EYS: variants seen among roughly 807,000 people sequenced by gnomAD.
EYS encodes the protein EGF-like photoreceptor maintenance factor.
Under a neutral mutation model 282.1 loss-of-function variants are expected in EYS, and 250 were observed. The ratio of observed to expected loss-of-function variants is 0.89; its 90% confidence interval spans 0.80 to 0.98. EYS has a LOEUF of 0.98. EYS is among the 50% of genes least tolerant of loss of function. EYS has a pLI of 0.00. For missense variants in EYS, 4,016 were observed against 3,709.0 expected (o/e 1.08, Z -2.15); for synonymous variants, 1,355 against 1,282.9 (o/e 1.06, Z -1.20).
At chr6:65,391,864 T>C (rs1023799610) in intron 7 of EYS, among the ~76,000 whole-genome samples, 12 of 152,074 alleles carry the variant, frequency 7.9e-5, no homozygotes, top group African/African-American at 2.9e-4. Context: ...CATTGCCAAG[T>C]CAATCCTAAG....
At chr6:65,171,998 T>C (rs1476869648) in intron 12 of EYS, among the ~76,000 whole-genome samples, 1 of 151,418 alleles carries the variant, frequency 6.6e-6, no homozygotes, top group Non-Finnish European at 1.5e-5. Flanking sequence ...GTTAGGAAAA[T>C]ATATGATCAT....
chr6:63,727,261 T>G (rs764695960), intron 41 of EYS, among the ~76,000 whole-genome samples: 10 of 152,052 alleles, frequency 6.6e-5, no homozygotes, highest in Non-Finnish European at 1.3e-4. Context: ...TCTATATTCC[T>G]TCTTCTTTTC....
chr6:64,621,094 C>A (rs1767433852), intron 23 of EYS, among the ~76,000 whole-genome samples: 1 of 152,048 alleles, frequency 6.6e-6, no homozygotes, highest in Non-Finnish European at 1.5e-5. Flanking sequence ...TCACTGCAAC[C>A]TTAAACTCCT....
chr6:65,095,702 T>C (rs746670277), intron 12 of EYS, among the ~76,000 whole-genome samples: 22 of 151,252 alleles, frequency 1.5e-4, no homozygotes, highest in Non-Finnish European at 2.4e-4. Flanking sequence ...AAACATCACA[T>C]GATCATTTCA....
intron 11 of EYS, among the ~76,000 whole-genome samples, chr6:65,309,124 T>C (rs1769087576): frequency 6.6e-6 from 1 of 152,208 alleles, no homozygotes; most frequent in Non-Finnish European, 1.5e-5. Flanking sequence ...GGTAATCAAA[T>C]ACAGAATGTT....
In EYS at chr6:65,092,987, A is replaced by G. The variant is rs117274354; in HGVS notation, c.2024-35260T>C. ...TTCAGATTTACAAACCCCCTAATACATTGATGCATTATCATCAAATTATCA... is the reference window on the plus strand; with the variant it reads ...TTCAGATTTACAAACCCCCTAATACGTTGATGCATTATCATCAAATTATCA... On this transcript the variant is annotated intron_variant, in intron 12 of 42. Coordinates refer to ENST00000503581, the MANE Select transcript of EYS (RefSeq NM_001142800.2). 2.1e-3 allele frequency among the ~76,000 whole-genome samples: 324 copies of G among 152,230 alleles called. 5 individuals carry two copies. Among genetic ancestry groups the G allele is most frequent in the Admixed American group, 0.015 (223 of 15,272 alleles).
In EYS at chr6:64,766,649, A is replaced by AATATATATAC. The variant is rs1773355689; in HGVS notation, c.3443+46728_3443+46729insGTATATATAT. ...TCCGTCTCAAAAAAAAAAAAAAAAA[A>AATATATATAC]ATATATATATATATATATATATATA... is the stretch of plus-strand genomic sequence containing the variant. On this transcript the variant is annotated intron_variant, in intron 22 of 42. Transcript: ENST00000503581. Among the ~76,000 whole-genome samples the AATATATATAC allele has an allele frequency of 1.6e-4, 3 of 19,050 alleles. 1 individual carries two copies. The highest frequency in any genetic ancestry group is 3.1e-4 in the Non-Finnish European group (3 of 9,728). The allele number at this position is 19,050 out of a possible 152,430, so 12.5% of individuals were successfully genotyped here. A position where few individuals can be genotyped will look rare whatever the true frequency, so the allele number is the denominator to read the frequency against.
intron 31 of EYS, among the ~76,000 whole-genome samples, chr6:64,090,788 C>A (rs536192946): frequency 2.8e-4 from 42 of 152,256 alleles, no homozygotes; most frequent in Non-Finnish European, 5.6e-4. Flanking sequence ...CTCACCACAT[C>A]ATTCTATATT....
chr6:64,413,319 C>A (rs1021493970), intron 28 of EYS, among the ~76,000 whole-genome samples: 2 of 152,078 alleles, frequency 1.3e-5, no homozygotes, highest in African/African-American at 4.8e-5. Flanking sequence ...GGCTTCTCAG[C>A]CATCATTAGT....
chr6:64,561,991 CT>C (rs1374898159), intron 26 of EYS, among the ~76,000 whole-genome samples: 2 of 149,498 alleles, frequency 1.3e-5, no homozygotes, highest in African/African-American at 4.9e-5. Flanking sequence ...TATTACCTGA[CT>C]TTATACTACA....
At chr6:64,461,710 A>G (rs1190958103) in intron 26 of EYS, among the ~76,000 whole-genome samples, 2 of 152,212 alleles carry the variant, frequency 1.3e-5, no homozygotes, top group Non-Finnish European at 1.5e-5. Context: ...AGAAGAGTGG[A>G]TCTTTACTCA....
At chr6:65,220,861 T>C (rs560358337) in intron 12 of EYS, among the ~76,000 whole-genome samples, 1 of 152,098 alleles carries the variant, frequency 6.6e-6, no homozygotes, top group South Asian at 2.1e-4. Context: ...TGCTTTGAGA[T>C]GGAGATGAGG....
chr6:64,540,995 G>A (rs116525673), intron 26 of EYS, among the ~76,000 whole-genome samples: 3 of 152,190 alleles, frequency 2.0e-5, no homozygotes, highest in East Asian at 3.9e-4. Context: ...GCTCCACGGC[G>A]GCTGAGTTAA....
intron 30 of EYS, among the ~76,000 whole-genome samples, chr6:64,231,874 T>A (rs928259347): frequency 2.6e-5 from 4 of 152,124 alleles, no homozygotes; most frequent in African/African-American, 9.7e-5. Context: ...GAGATAATTA[T>A]CTTTTTAATG....
intron 11 of EYS, among the ~76,000 whole-genome samples, chr6:65,319,781 C>T (rs1769419027): frequency 6.6e-6 from 1 of 152,152 alleles, no homozygotes; most frequent in South Asian, 2.1e-4. Context: ...GTCTGTTAAA[C>T]AGGGAAGTGG....
chr6:65,027,022 G>GTT (rs74497929), intron 13 of EYS, among the ~76,000 whole-genome samples: 5 of 135,574 alleles, frequency 3.7e-5, no homozygotes, highest in Non-Finnish European at 6.7e-5. Context: ...TGTAATGTGT[G>GTT]TTTTTTTTTT....
At chr6:64,091,372 C>G (rs957320394) in intron 31 of EYS, among the ~76,000 whole-genome samples, 1 of 152,132 alleles carries the variant, frequency 6.6e-6, no homozygotes, top group Admixed American at 6.6e-5. Flanking sequence ...CTTCCCTCAC[C>G]CCCAGATTAA....
At chr6:65,640,769 C>A (rs144743939) in intron 1 of EYS, among the ~76,000 whole-genome samples, 1 of 152,122 alleles carries the variant, frequency 6.6e-6, no homozygotes, top group African/African-American at 2.4e-5. Context: ...GGTACAGTTT[C>A]ATTATAATGT....
At chr6:64,565,438 T>A (rs1057491514) in intron 26 of EYS, among the ~76,000 whole-genome samples, 7 of 152,132 alleles carry the variant, frequency 4.6e-5, no homozygotes, top group African/African-American at 7.2e-5. Flanking sequence ...CTAGTTTTTT[T>A]AAAAAGAGAA....
Sources: allele counts gnomAD v4.1 joint callset (sites outside exome capture counted in the v4.1 genomes callset), GRCh38; gene constraint gnomAD v4.1.1; transcripts MANE v1.5; gene names NCBI Gene and HGNC (gene_info 2026-07-23, HGNC 2026-07-21).